The following SLC14A2 variants were observed in gnomAD, a reference collection of about 807,000 sequenced individuals.
SLC14A2 encodes the protein solute carrier family 14 member 2.
Under a neutral mutation model 104.6 loss-of-function variants are expected in SLC14A2, and 91 were observed. That is an observed-to-expected ratio of 0.87 (90% CI 0.73 to 1.04). SLC14A2 has a LOEUF of 1.04. Among genes scored for constraint, SLC14A2 ranks in the 50% least tolerant of loss-of-function variants. The pLI, the probability that SLC14A2 is intolerant of heterozygous loss-of-function variation, is 0.00. For synonymous variants in SLC14A2, 476 were observed against 466.4 expected (o/e 1.02, Z -0.27); for missense variants, 1,189 against 1,156.0 (o/e 1.03, Z -0.41).
chr18:45,302,840 A>C (rs1357617722), intron 1 of SLC14A2, among the ~76,000 whole-genome samples: 1 of 152,200 alleles, frequency 6.6e-6, no homozygotes, highest in African/African-American at 2.4e-5. Context: ...AATATAAAGT[A>C]GTAAGTGATG....
the SLC14A2 span, among the ~76,000 whole-genome samples, chr18:45,174,490 A>AGAAAT: frequency 6.6e-6 from 1 of 152,118 alleles, no homozygotes; most frequent in Non-Finnish European, 1.5e-5. Flanking sequence ...AGAACTGGGA[A>AGAAAT]GAAATGAAAC....
Position 45,648,601 on chromosome 18 carries a change from T to C in SLC14A2, c.1351+4441T>C, listed in dbSNP as rs1235075591. The stretch of plus-strand genomic sequence containing the variant: ...TTTTCTTATCCCTTTGTTTTAACCT[T>C]CATCATTTCTTTTAATTTTTAACTT... On this transcript the variant is annotated intron_variant, in intron 10 of 19. Coordinates refer to ENST00000255226, the MANE Select transcript of SLC14A2 (RefSeq NM_007163.4). 2.0e-5 allele frequency among the ~76,000 whole-genome samples: 3 copies of C among 152,190 alleles called. No individual in the cohort carries two copies. The East Asian group carries it at 5.8e-4, about 29-fold the overall frequency.
intron 1 of SLC14A2, among the ~76,000 whole-genome samples, chr18:45,362,668 T>C (rs1013838630): frequency 2.0e-5 from 3 of 152,208 alleles, no homozygotes; most frequent in Non-Finnish European, 4.4e-5. Flanking sequence ...GGGCATTAGC[T>C]GCTACCAGGT....
Position 45,639,781 on chromosome 18 carries a change from G to T in SLC14A2, c.879G>T (p.Val293=). The change falls in exon 7 of 20, where the codon GTG becomes GTT. Residue 293 remains valine (V), a synonymous_variant. Transcript: ENST00000255226. ...CCATCCCTGTTGGGGTCGGCCAGGT[G>T]TATGGCTGTGACAATCCCTGGACAG... ...LQAIPVGVGQ[V]YGCDNPWTGG... 6.2e-7 allele frequency: 1 copy of T among 1,614,032 alleles called. No individual in the cohort carries two copies. The highest frequency in any genetic ancestry group is 8.5e-7 in the Non-Finnish European group (1 of 1,180,004).
intron 1 of SLC14A2, among the ~76,000 whole-genome samples, chr18:45,344,131 C>T (rs1394813910): frequency 3.3e-5 from 5 of 152,082 alleles, no homozygotes; most frequent in African/African-American, 1.2e-4. Context: ...ATTATTATCA[C>T]TCCTACTATG....
chr18:45,341,933 A>T (rs2085400438), intron 1 of SLC14A2, among the ~76,000 whole-genome samples: 1 of 152,154 alleles, frequency 6.6e-6, no homozygotes, highest in Admixed American at 6.5e-5. Context: ...GATGTGTCTT[A>T]CAAAGAAAAT....
rs542962519 is a variant in SLC14A2 at position 45,327,170 on chromosome 18, A to G, written c.-125+113979A>G. On this transcript the variant is annotated intron_variant, in intron 1 of 20. Transcript: ENST00000586448. ...ACCCAAGATGTTCCTGATTTAAGCA[A>G]GGTTCTAAGCACCACAATTCCCTAT... Among the ~76,000 whole-genome samples the G allele has an allele frequency of 1.1e-4, 16 of 152,262 alleles. No homozygotes were observed. The South Asian group carries it at 1.5e-3, about 14-fold the overall frequency.
chr18:45,635,938 A>AT (rs769618554), intron 5 of SLC14A2, among the ~76,000 whole-genome samples: 141 of 152,340 alleles, frequency 9.3e-4, no homozygotes, highest in Middle Eastern at 3.4e-3. Flanking sequence ...AGAGAGGCAG[A>AT]TTTTGTGGGA....
intron 1 of SLC14A2, among the ~76,000 whole-genome samples, chr18:45,343,286 G>A (rs1474768663): frequency 6.6e-6 from 1 of 152,054 alleles, no homozygotes; most frequent in East Asian, 1.9e-4. Flanking sequence ...GTCCCACAGA[G>A]GAGATGTGTT....
rs59843067 is a variant in SLC14A2 at position 45,648,195 on chromosome 18, C to CT, written c.1351+4063dup. ...GTTACCCTCTTTATTCTAGTTAATG[C>CT]TTTTTTTTTTTTTTTTTTTTTTTTT... On this transcript the variant is annotated intron_variant, in intron 10 of 19. Transcript: ENST00000255226. Among the ~76,000 whole-genome samples the CT allele has an allele frequency of 1.8e-3, 178 of 101,220 alleles. 16 individuals are homozygous for CT. The highest frequency in any genetic ancestry group is 3.7e-3 in the African/African-American group (95 of 25,936). 66.4% of individuals were successfully genotyped at this position (101,220 alleles called of 152,430 possible). A position where few individuals can be genotyped will look rare whatever the true frequency, so the allele number is the denominator to read the frequency against.
intron 1 of SLC14A2, among the ~76,000 whole-genome samples, chr18:45,436,391 T>C (rs1404308901): frequency 6.6e-6 from 1 of 152,108 alleles, no homozygotes; most frequent in Non-Finnish European, 1.5e-5. Context: ...ACAGTAATGG[T>C]AATTTATCCA....
intron 2 of SLC14A2, among the ~76,000 whole-genome samples, chr18:45,563,350 C>T (rs1486510085): frequency 1.3e-5 from 2 of 152,214 alleles, no homozygotes; most frequent in African/African-American, 4.8e-5. Context: ...AACATAAGGG[C>T]AGACCAGTGT....
rs1180656881 is a variant in SLC14A2 at position 45,471,098 on chromosome 18, T to C, written c.-124-12135T>C. ...AGTTAAATTTCAGCCTCCAGTTTCT[T>C]CAAGATGAGATCAGATAAATGCATT... On this transcript the variant is annotated intron_variant, in intron 1 of 20. Transcript: ENST00000586448. Among the ~76,000 whole-genome samples, 5 of 152,186 alleles carry C rather than the reference T, an allele frequency of 3.3e-5. No homozygotes were observed. In the East Asian group the frequency reaches 9.6e-4, roughly 29 times the overall value.
chr18:45,494,801 C>T (rs531563202), intron 2 of SLC14A2, among the ~76,000 whole-genome samples: 12 of 152,106 alleles, frequency 7.9e-5, no homozygotes, highest in Non-Finnish European at 5.9e-5. Context: ...TTCAGTCTGT[C>T]CACTCCCCTC....
At chr18:45,440,095 A>C (rs561039361) in intron 1 of SLC14A2, among the ~76,000 whole-genome samples, 34 of 152,306 alleles carry the variant, frequency 2.2e-4, no homozygotes, top group Non-Finnish European at 4.6e-4. Flanking sequence ...GGTTGATCAA[A>C]TCATGATCTA....
At chr18:45,495,442 C>T (rs924270991) in intron 2 of SLC14A2, among the ~76,000 whole-genome samples, 1 of 152,214 alleles carries the variant, frequency 6.6e-6, no homozygotes, top group African/African-American at 2.4e-5. Flanking sequence ...GGTCCCTAGT[C>T]AGCACTGTAG....
chr18:45,502,526 C>G (rs1052779459), intron 2 of SLC14A2, among the ~76,000 whole-genome samples: 1 of 152,158 alleles, frequency 6.6e-6, no homozygotes, highest in African/African-American at 2.4e-5. Context: ...ACAAGGGTCA[C>G]TATATCCTCA....
At chr18:45,240,091 CTTTTTTTTTTT>C (rs763802776) in intron 1 of SLC14A2, among the ~76,000 whole-genome samples, 12 of 89,640 alleles carry the variant, frequency 1.3e-4, no homozygotes, top group Admixed American at 6.9e-4. Context: ...GCAAATATCT[CTTTTTTTTTTT>C]TTTTTTTTTT....
chr18:45,267,872 A>T (rs1216972902), intron 1 of SLC14A2, among the ~76,000 whole-genome samples: 1 of 152,206 alleles, frequency 6.6e-6, no homozygotes, highest in Non-Finnish European at 1.5e-5. Context: ...AAACAGAATT[A>T]TAAAGAGATA....
Sources: allele counts gnomAD v4.1 joint callset (sites outside exome capture counted in the v4.1 genomes callset), GRCh38; gene constraint gnomAD v4.1.1; transcripts MANE v1.5; gene names NCBI Gene and HGNC (gene_info 2026-07-23, HGNC 2026-07-21).